Variants in ITGA8 observed in about 807,000 individuals in gnomAD.
The protein encoded by ITGA8 is integrin subunit alpha 8.
A neutral mutation model predicts 142.3 loss-of-function variants in ITGA8; 91 were observed. That is an observed-to-expected ratio of 0.64 (90% CI 0.54 to 0.76). The LOEUF (loss-of-function observed/expected upper bound fraction) is 0.76, where lower values mean the gene tolerates loss of function less well. ITGA8 is among the 30% of genes least tolerant of loss of function. The pLI, the probability that ITGA8 is intolerant of heterozygous loss-of-function variation, is 0.00. For missense variants in ITGA8, 1,406 were observed against 1,327.7 expected (o/e 1.06, Z -0.92); for synonymous variants, 505 against 485.2 (o/e 1.04, Z -0.54).
rs796458374 is a variant in ITGA8, at chr10:15,716,670, A to ATTTT, written c.343+2092_343+2095dup. On this transcript the variant is annotated intron_variant, in intron 2 of 29. Transcript: ENST00000378076. ...GAACTTGGAAAATATAACCTATTGT[A>ATTTT]TTTTTTTTTTTTTTTTTGAGATGGA... 6.4e-3 allele frequency among the ~76,000 whole-genome samples: 864 copies of ATTTT among 135,036 alleles called. 20 individuals are homozygous for ATTTT. The highest frequency in any genetic ancestry group is 0.023 in the African/African-American group (826 of 35,964). 88.6% of individuals were successfully genotyped at this position (135,036 alleles called of 152,430 possible).
chr10:15,686,188 C>T (rs1834830241), intron 3 of ITGA8, among the ~76,000 whole-genome samples: 1 of 152,130 alleles, frequency 6.6e-6, no homozygotes, highest in Non-Finnish European at 1.5e-5. Flanking sequence ...TAATTTGGCC[C>T]AATGTATAAC....
At chr10:15,694,180 AT>A (rs1268644417) in intron 2 of ITGA8, among the ~76,000 whole-genome samples, 1 of 142,566 alleles carries the variant, frequency 7.0e-6, no homozygotes, top group Non-Finnish European at 1.5e-5. Flanking sequence ...ATCAGATAAT[AT>A]ATCATATATA....
intron 2 of ITGA8, among the ~76,000 whole-genome samples, chr10:15,694,359 C>A (rs568561633): frequency 2.3e-5 from 3 of 128,956 alleles, no homozygotes; most frequent in African/African-American, 9.8e-5. Context: ...TATCATATAT[C>A]AGATAATATA....
At chr10:15,528,959 TTTCC>T (rs1833233498) in intron 28 of ITGA8, among the ~76,000 whole-genome samples, 1 of 151,798 alleles carries the variant, frequency 6.6e-6, no homozygotes, top group Admixed American at 6.6e-5. Flanking sequence ...CCTTCCTTCC[TTTCC>T]TTCCTTCTTT....
intron 27 of ITGA8, 140 bp from the exon 28 acceptor site, chr10:15,531,291 T>A (rs1833287395): frequency 2.2e-6 from 1 of 456,918 alleles, no homozygotes; most frequent in African/African-American, 2.2e-5. Context: ...TCTTTTAACT[T>A]TTTTTTCCTC....
At position 15,719,839 on chromosome 10, in the gene ITGA8, G is replaced by GT. The variant is rs1564424283; in HGVS notation, c.-69_-68insA. The GT allele has an allele frequency of 1.2e-5, 14 of 1,184,406 alleles. No individual in the cohort carries two copies. The highest frequency in any genetic ancestry group is 3.2e-5 in the East Asian group (1 of 31,292). 73.4% of individuals were successfully genotyped at this position (1,184,406 alleles called of 1,614,324 possible). Reference sequence around the variant, plus strand: ...CCGAGGACCCCTGCGGGGCAAGGGGGGCTGGTGGAATCTGGCGGTCCCCAG... The same window carrying GT: ...CCGAGGACCCCTGCGGGGCAAGGGGGTGCTGGTGGAATCTGGCGGTCCCCAG... On this transcript the variant is annotated 5_prime_UTR_variant, in exon 1 of 30. Transcript: ENST00000378076.
intron 11 of ITGA8, among the ~76,000 whole-genome samples, chr10:15,648,541 CAAT>C (rs1287376830): frequency 6.6e-5 from 10 of 150,544 alleles, no homozygotes; most frequent in Non-Finnish European, 1.5e-4. Context: ...TAAGATATAT[CAAT>C]AACAATAACA....
chr10:15,561,993 T>TA (rs1564352632), intron 25 of ITGA8, among the ~76,000 whole-genome samples: 1 of 152,140 alleles, frequency 6.6e-6, no homozygotes, highest in African/African-American at 2.4e-5. Context: ...CAGACACTTA[T>TA]AAAAACATCA....
intron 13 of ITGA8, among the ~76,000 whole-genome samples, chr10:15,642,498 C>T (rs553204423): frequency 2.0e-5 from 3 of 152,200 alleles, no homozygotes; most frequent in African/African-American, 7.2e-5. Flanking sequence ...TCATTAATCA[C>T]CCTGACATTT....
chr10:15,526,694 T>A lies in ITGA8; in HGVS notation c.2982+4356A>T, dbSNP rs528229465. ...AACTATTTTAATACAGTTTTATTTA[T>A]CAAGTACTTCTAGCTATTTTAAAAA... On this transcript the variant is annotated intron_variant, in intron 28 of 29. Transcript: ENST00000378076. Among the ~76,000 whole-genome samples the A allele has an allele frequency of 5.9e-5, 9 of 152,382 alleles. No homozygotes were observed. The East Asian group carries it at 1.7e-3, about 29-fold the overall frequency.
chr10:15,538,968 T>C (rs945877713), intron 27 of ITGA8, among the ~76,000 whole-genome samples: 1 of 129,062 alleles, frequency 7.7e-6, no homozygotes, highest in East Asian at 1.9e-4. Context: ...TTTTTTTTTT[T>C]TTTTTTTTTT....
chr10:15,629,403 C>G lies in ITGA8; in HGVS notation c.1400-12844G>C, dbSNP rs1833644065. ...CAGTCACCCCCACTGCCCATTTCATCTATGTCACCCCCTCTGCCCCATTTC... is the reference window on the plus strand; with the variant it reads ...CAGTCACCCCCACTGCCCATTTCATGTATGTCACCCCCTCTGCCCCATTTC... On this transcript the variant is annotated intron_variant, in intron 13 of 29. Coordinates refer to ENST00000378076, the MANE Select transcript of ITGA8 (RefSeq NM_003638.3). Among the ~76,000 whole-genome samples, 5 of 152,098 alleles carry G rather than the reference C, an allele frequency of 3.3e-5. No homozygotes were observed. The South Asian group carries it at 1.0e-3, about 32-fold the overall frequency.
At chr10:15,665,768 T>C (rs536495928) in intron 8 of ITGA8, among the ~76,000 whole-genome samples, 43 of 152,348 alleles carry the variant, frequency 2.8e-4, no homozygotes, top group South Asian at 6.2e-4. Flanking sequence ...ATTTATTAAA[T>C]AGGGAATCCT....
Position 15,604,254 on chromosome 10 carries a change from A to C in ITGA8, c.2072T>G (p.Met691Arg), listed in dbSNP as rs748622921. 2.5e-6 allele frequency: 4 copies of C among 1,613,656 alleles called. No individual in the cohort carries two copies. The East Asian group carries it at 6.7e-5, about 27-fold the overall frequency. Residue 691 changes from methionine (M) to arginine (R), a missense_variant, in exon 20 of 30, where the codon ATG (methionine) becomes AGG (arginine). Transcript: ENST00000378076. ...EGAYEAELFVMIPEEADYVGI... is the reference protein window; with the variant it reads ...EGAYEAELFVRIPEEADYVGI... ...AACATAATCTGCCTCTTCTGGTATC[A>C]TTACAAAGAGTTCAGCTTCATATGC...
intron 13 of ITGA8, among the ~76,000 whole-genome samples, chr10:15,631,653 C>T (rs1040806272): frequency 6.0e-5 from 9 of 150,738 alleles, no homozygotes; most frequent in Non-Finnish European, 1.0e-4. Flanking sequence ...CACCATGGCA[C>T]GGGCATGCCT....
At chr10:15,657,598 C>T (rs557856766) in intron 10 of ITGA8, among the ~76,000 whole-genome samples, 1 of 141,634 alleles carries the variant, frequency 7.1e-6, no homozygotes, top group African/African-American at 2.6e-5. Flanking sequence ...AGTGATCCTC[C>T]TGCCTTGGCC....
At chr10:15,711,585 G>A (rs1001972838) in intron 2 of ITGA8, among the ~76,000 whole-genome samples, 3 of 151,840 alleles carry the variant, frequency 2.0e-5, no homozygotes, top group South Asian at 4.2e-4. Context: ...AGCATCATGG[G>A]TTTTCATAAA....
intron 25 of ITGA8, among the ~76,000 whole-genome samples, chr10:15,563,018 A>T (rs1564353264): frequency 6.6e-6 from 1 of 152,106 alleles, no homozygotes; most frequent in Admixed American, 6.6e-5. Context: ...AGTTCATATG[A>T]GATCTAGTTG....
At chr10:15,707,807 A>C (rs1835287135) in intron 2 of ITGA8, among the ~76,000 whole-genome samples, 1 of 149,942 alleles carries the variant, frequency 6.7e-6, no homozygotes, top group African/African-American at 2.5e-5. Context: ...TCGGTGACAG[A>C]GTGAGTTTCC....
Sources: allele counts gnomAD v4.1 joint callset (sites outside exome capture counted in the v4.1 genomes callset), GRCh38; gene constraint gnomAD v4.1.1; transcripts MANE v1.5; gene names NCBI Gene and HGNC (gene_info 2026-07-23, HGNC 2026-07-21).